The following MACROD2 variants were observed in gnomAD, a reference collection of about 807,000 sequenced individuals.
The protein encoded by MACROD2 is ADP-ribose glycohydrolase MACROD2.
MACROD2 carries 36 observed loss-of-function variants against 70.4 expected under a neutral mutation model. That is an observed-to-expected ratio of 0.51 (90% CI 0.39 to 0.68). MACROD2 has a LOEUF of 0.68. MACROD2 is among the 30% of genes least tolerant of loss of function. The pLI, the probability that MACROD2 is intolerant of heterozygous loss-of-function variation, is 0.00. For synonymous variants in MACROD2, 172 were observed against 178.8 expected, an observed-to-expected ratio of 0.96 and a Z score of 0.30; for missense variants, 496 against 538.4, an observed-to-expected ratio of 0.92 and a Z score of 0.78.
At chr20:14,053,724 A>T (rs183421214) in intron 2 of MACROD2, 1 of 152,080 alleles carries the variant, frequency 6.6e-6, no homozygotes, top group Admixed American at 6.6e-5. Context: ...CAATTTTCTC[A>T]ATTTTGTTTC....
intron 3 of MACROD2, among the ~76,000 whole-genome samples, chr20:14,256,371 G>C (rs2082056512): frequency 6.6e-6 from 1 of 152,046 alleles, no homozygotes. Flanking sequence ...ATTCTTGTGA[G>C]TTATTTTATT....
intron 5 of MACROD2, among the ~76,000 whole-genome samples, chr20:15,210,971 T>G (rs1053993345): frequency 6.6e-6 from 1 of 152,176 alleles, no homozygotes; most frequent in Non-Finnish European, 1.5e-5. Context: ...TAATACAGCT[T>G]TTTTCAAACG....
chr20:15,294,543 C>T (rs1172198224), intron 6 of MACROD2, among the ~76,000 whole-genome samples: 1 of 152,206 alleles, frequency 6.6e-6, no homozygotes, highest in Non-Finnish European at 1.5e-5. Flanking sequence ...AGATCTCCTC[C>T]TCTGACAAAT....
intron 2 of MACROD2, among the ~76,000 whole-genome samples, chr20:14,042,578 A>T (rs2053407671): frequency 6.6e-6 from 1 of 152,140 alleles, no homozygotes; most frequent in African/African-American, 2.4e-5. Context: ...AGCTCACTGC[A>T]ACCTGCAACC....
intron 10 of MACROD2, among the ~76,000 whole-genome samples, chr20:15,900,075 G>C (rs1212281305): frequency 6.6e-6 from 1 of 152,022 alleles, no homozygotes; most frequent in Admixed American, 6.6e-5. Flanking sequence ...TGGACAGAAG[G>C]GACATTCTAT....
At chr20:15,147,128 G>A (rs1445205753) in intron 5 of MACROD2, among the ~76,000 whole-genome samples, 1 of 152,148 alleles carries the variant, frequency 6.6e-6, no homozygotes, top group Non-Finnish European at 1.5e-5. Flanking sequence ...AGAAAAAAGT[G>A]AGCCTTACCC....
At chr20:14,452,750 G>A (rs1367088638) in intron 3 of MACROD2, among the ~76,000 whole-genome samples, 2 of 152,208 alleles carry the variant, frequency 1.3e-5, no homozygotes, top group Non-Finnish European at 2.9e-5. Context: ...TTGGTAAACC[G>A]AATAGCTTGT....
intron 5 of MACROD2, among the ~76,000 whole-genome samples, chr20:14,981,110 C>T (rs2074794513): frequency 6.6e-6 from 1 of 151,370 alleles, no homozygotes; most frequent in Admixed American, 6.6e-5. Context: ...GGGAATGCCC[C>T]CATTTCTTAT....
At chr20:15,202,019 G>T (rs1371100091) in intron 5 of MACROD2, among the ~76,000 whole-genome samples, 1 of 152,154 alleles carries the variant, frequency 6.6e-6, no homozygotes, top group Non-Finnish European at 1.5e-5. Context: ...TATTATTTTG[G>T]TGGTCATAAG....
chr20:14,205,309 C>T (rs896459977), intron 3 of MACROD2, among the ~76,000 whole-genome samples: 1 of 152,168 alleles, frequency 6.6e-6, no homozygotes, highest in Non-Finnish European at 1.5e-5. Context: ...TTTCTTGTCT[C>T]ATGACCAGGA....
chr20:14,858,178 A>G (rs1050437359), intron 5 of MACROD2, among the ~76,000 whole-genome samples: 1 of 152,174 alleles, frequency 6.6e-6, no homozygotes, highest in South Asian at 2.1e-4. Context: ...AGAGAGTCAC[A>G]TGATACATTT....
chr20:14,556,488 G>A (rs528766597), intron 4 of MACROD2, among the ~76,000 whole-genome samples: 2 of 150,522 alleles, frequency 1.3e-5, no homozygotes, highest in South Asian at 4.1e-4. Context: ...AGAAAGTCTT[G>A]TTTTCTTTAG....
chr20:15,784,150 G>A (rs1367689774), intron 8 of MACROD2, among the ~76,000 whole-genome samples: 1 of 152,076 alleles, frequency 6.6e-6, no homozygotes, highest in African/African-American at 2.4e-5. Flanking sequence ...TTAAGTGTGT[G>A]ACTCTACAGT....
chr20:15,065,987 T>G (rs1039877237), intron 5 of MACROD2, among the ~76,000 whole-genome samples: 11 of 152,144 alleles, frequency 7.2e-5, no homozygotes, highest in African/African-American at 2.7e-4. Flanking sequence ...GGGGTTGAGT[T>G]TAGGTTTGCT....
intron 3 of MACROD2, among the ~76,000 whole-genome samples, chr20:14,252,867 C>A (rs1033710663): frequency 6.6e-6 from 1 of 151,850 alleles, no homozygotes; most frequent in African/African-American, 2.4e-5. Context: ...GCTGAAGCTC[C>A]AAAAATGTTT....
chr20:14,962,708 C>A (rs965633607), intron 5 of MACROD2, among the ~76,000 whole-genome samples: 3 of 151,612 alleles, frequency 2.0e-5, no homozygotes, highest in Non-Finnish European at 2.9e-5. Flanking sequence ...TTCTTATTCT[C>A]TTCTTTTTTT....
intron 3 of MACROD2, among the ~76,000 whole-genome samples, chr20:14,156,601 G>T (rs566117970): frequency 6.6e-6 from 1 of 152,272 alleles, no homozygotes; most frequent in African/African-American, 2.4e-5. Flanking sequence ...TTAGTTTACA[G>T]ATTTTAAAGT....
chr20:15,700,045 T>C (rs1016464572), intron 8 of MACROD2, among the ~76,000 whole-genome samples: 1 of 152,106 alleles, frequency 6.6e-6, no homozygotes, highest in African/African-American at 2.4e-5. Flanking sequence ...TGGGGGTGTG[T>C]GTTTGGGAGA....
At position 14,230,669 on chromosome 20, in the gene MACROD2, C is replaced by CCATATATA. The variant is rs1388842581; in HGVS notation, c.271+144941_271+144942insCATATATA. On this transcript the variant is annotated intron_variant, in intron 3 of 17. Coordinates refer to ENST00000684519, the MANE Select transcript of MACROD2 (RefSeq NM_001351661.2). Reference sequence around the variant, plus strand: ...TATATATATATAACACAGGCTGGGCCTATATATATATATATATATATATAT... The same window carrying CCATATATA: ...TATATATATATAACACAGGCTGGGCCCATATATATATATATATATATATATATATATAT... Among the ~76,000 whole-genome samples the CCATATATA allele has an allele frequency of 1.9e-3, 172 of 92,874 alleles. 11 individuals carry two copies. The highest frequency in any genetic ancestry group is 3.2e-3 in the South Asian group (7 of 2,210). The allele number at this position is 92,874 out of a possible 152,430, so 60.9% of individuals were successfully genotyped here. A position where few individuals can be genotyped will look rare whatever the true frequency, so the allele number is the denominator to read the frequency against.
Sources: allele counts gnomAD v4.1 joint callset (sites outside exome capture counted in the v4.1 genomes callset), GRCh38; gene constraint gnomAD v4.1.1; transcripts MANE v1.5; gene names NCBI Gene and HGNC (gene_info 2026-07-23, HGNC 2026-07-21).